Variants in CHD8 observed in about 807,000 individuals in gnomAD.
The protein encoded by CHD8 is ATP-dependent chromatin remodeler CHD8.
CHD8 carries 31 observed loss-of-function variants against 279.2 expected under a neutral mutation model. That is an observed-to-expected ratio of 0.11 (90% CI 0.08 to 0.15). The LOEUF (loss-of-function observed/expected upper bound fraction) is 0.15, where lower values mean the gene tolerates loss of function less well. CHD8 is among the 10% of genes least tolerant of loss of function. The pLI, the probability that CHD8 is intolerant of heterozygous loss-of-function variation, is 1.00. For missense variants in CHD8, 2,146 were observed against 3,230.5 expected, an observed-to-expected ratio of 0.66 and a Z score of 8.14; for synonymous variants, 1,081 against 1,139.6, an observed-to-expected ratio of 0.95 and a Z score of 1.04.
At chr14:21,409,140 T>TA (rs956413939) in intron 11 of CHD8, among the ~76,000 whole-genome samples, 4 of 152,036 alleles carry the variant, frequency 2.6e-5, no homozygotes, top group East Asian at 3.9e-4. Context: ...ACATTAAAAA[T>TA]AAAAAAACAA....
At chr14:21,420,409 G>T (rs1411681870) in intron 5 of CHD8, among the ~76,000 whole-genome samples, 1 of 152,224 alleles carries the variant, frequency 6.6e-6, no homozygotes, top group African/African-American at 2.4e-5. Flanking sequence ...AGGGCCAAAG[G>T]CGGGCAGGAC....
In CHD8 at chr14:21,393,839, G is replaced by C. The variant is rs1057052143; in HGVS notation, c.5956C>G (p.His1986Asp). 1.2e-5 allele frequency: 20 copies of C among 1,613,864 alleles called. No individual in the cohort carries two copies. Among genetic ancestry groups the C allele is most frequent in the Non-Finnish European group, 1.7e-5 (20 of 1,179,856 alleles). ...GCAGTGCGTGAGGTATACTGCTGGTGCAGCAGTGGAGTAGAGCAGCGTGAC... is the reference window on the plus strand; with the variant it reads ...GCAGTGCGTGAGGTATACTGCTGGTCCAGCAGTGGAGTAGAGCAGCGTGAC... ...SLSRCSTPLL[H>D]QQYTSRTASP... Residue 1986 changes from histidine (H) to aspartate (D), a missense_variant, in exon 32 of 38, where the codon CAC (histidine) becomes GAC (aspartate). His to Asp is a moderately conservative substitution (Grantham distance 81, BLOSUM62 -1). Transcript: ENST00000646647.
At chr14:21,415,392 C>T (rs1888669537) in intron 7 of CHD8, 182 bp downstream of exon 7, 1 of 343,112 alleles carries the variant, frequency 2.9e-6, no homozygotes, top group African/African-American at 2.1e-5. Flanking sequence ...CCCAGATACT[C>T]AGGAGGCTGA....
At chr14:21,436,604 A>G (rs1889788355) in intron 1 of CHD8, among the ~76,000 whole-genome samples, 1 of 152,150 alleles carries the variant, frequency 6.6e-6, no homozygotes, top group African/African-American at 2.4e-5. Flanking sequence ...TCACTGCCAA[A>G]TGTGTGGCTA....
chr14:21,451,853 G>A (rs1566458695), intron 1 of CHD8, among the ~76,000 whole-genome samples: 2 of 152,180 alleles, frequency 1.3e-5, no homozygotes, highest in African/African-American at 2.4e-5. Flanking sequence ...ACAGCTTAAT[G>A]AGAAACGTCA....
Position 21,397,470 on chromosome 14 carries a change from A to G in CHD8, c.5051+353T>C, listed in dbSNP as rs1240749131. The G allele has an allele frequency of 1.3e-5, 6 of 452,058 alleles. No homozygotes were observed. In the East Asian group the frequency reaches 3.6e-4, roughly 27 times the overall value. 28.0% of individuals were successfully genotyped at this position (452,058 alleles called of 1,614,324 possible). ...TTGGGAGATGATAAACCAGGGCTGA[A>G]AGCGCCTAAGGCTCTTCCACAGAAG... is the stretch of plus-strand genomic sequence containing the variant. On this transcript the variant is annotated intron_variant, in intron 27 of 37. Transcript: ENST00000646647.
chr14:21,403,328 G>A lies in CHD8; in HGVS notation c.3519-116C>T. On this transcript the variant is annotated intron_variant, in intron 17 of 37. Coordinates refer to ENST00000646647, the MANE Select transcript of CHD8 (RefSeq NM_001170629.2). The surrounding 1 kb of genome is among the most constrained non-coding windows in gnomAD (Gnocchi z 4.3). The stretch of plus-strand genomic sequence containing the variant: ...TCAAAGCTGGTCAAAAACCCAAGTT[G>A]AGAGTGAGAATCTTAAAAACTTCTC... The A allele has an allele frequency of 4.7e-6, 6 of 1,277,244 alleles. No individual in the cohort carries two copies. Among genetic ancestry groups the A allele is most frequent in the South Asian group, 4.2e-5 (3 of 71,210 alleles). The allele number at this position is 1,277,244 out of a possible 1,614,324, so 79.1% of individuals were successfully genotyped here. A position where few individuals can be genotyped will look rare whatever the true frequency, so the allele number is the denominator to read the frequency against.
At chr14:21,411,144 A>G (rs767405264) in intron 10 of CHD8, among the ~76,000 whole-genome samples, 3 of 152,184 alleles carry the variant, frequency 2.0e-5, no homozygotes, top group Non-Finnish European at 4.4e-5. Flanking sequence ...TTAGAAGGGT[A>G]GGTATGATTA....
At position 21,397,542 on chromosome 14, in the gene CHD8, CCT is replaced by C. The variant is rs527827139; in HGVS notation, c.5051+279_5051+280del. ...TGTTATCTTTCAAGAGACCAGTTATCCTCTCAGCTACTGTAGCTGTACAGAAG... is the reference window on the plus strand; with the variant it reads ...TGTTATCTTTCAAGAGACCAGTTATCCTCAGCTACTGTAGCTGTACAGAAG... On this transcript the variant is annotated intron_variant, in intron 27 of 37. Transcript: ENST00000646647. The C allele has an allele frequency of 1.4e-3, 543 of 390,142 alleles. 1 individual carries two copies. The highest frequency in any genetic ancestry group is 2.3e-3 in the Non-Finnish European group (463 of 199,876). 24.2% of individuals were successfully genotyped at this position (390,142 alleles called of 1,614,324 possible).
chr14:21,396,733 C>A (rs11623737), intron 27 of CHD8: 2 of 152,044 alleles, frequency 1.3e-5, no homozygotes, highest in Non-Finnish European at 2.9e-5. Flanking sequence ...GCCACCACTC[C>A]TGGCTAATTT....
At chr14:21,420,185 G>A (rs1043383112) in intron 5 of CHD8, among the ~76,000 whole-genome samples, 4 of 152,200 alleles carry the variant, frequency 2.6e-5, no homozygotes, top group African/African-American at 9.6e-5. Context: ...TGTGGTAGCT[G>A]CTGCCCCAAA....
chr14:21,435,063 G>C (rs1889724314), intron 1 of CHD8, among the ~76,000 whole-genome samples: 1 of 152,182 alleles, frequency 6.6e-6, no homozygotes, highest in Non-Finnish European at 1.5e-5. Flanking sequence ...TATTAAGAAT[G>C]AAAAGCCAGT....
chr14:21,436,883 G>C, intron 1 of CHD8: 2 of 1,129,262 alleles, frequency 1.8e-6, no homozygotes, highest in Non-Finnish European at 2.4e-6. Flanking sequence ...GGGGGTGGGG[G>C]GGACCCGGGT....
chr14:21,434,622 C>A (rs1777454022), intron 1 of CHD8, among the ~76,000 whole-genome samples: 1 of 152,060 alleles, frequency 6.6e-6, no homozygotes, highest in South Asian at 2.1e-4. Flanking sequence ...AATTTTCGAA[C>A]CAAATTTCTG....
intron 5 of CHD8, among the ~76,000 whole-genome samples, chr14:21,418,747 C>T (rs938042353): frequency 6.6e-6 from 1 of 152,192 alleles, no homozygotes; most frequent in African/African-American, 2.4e-5. Flanking sequence ...ACCCAGGAGG[C>T]GGAGCTTGCA....
At position 21,411,272 on chromosome 14, in the gene CHD8, A is replaced by C. The variant is rs560862559; in HGVS notation, c.2227-1284T>G. Among the ~76,000 whole-genome samples the C allele has an allele frequency of 1.1e-3, 167 of 152,254 alleles. No individual in the cohort carries two copies. In the Middle Eastern group the frequency reaches 0.014, roughly 12 times the overall value. ...ATTCTCCATTCAACTCACACAAACAAACACACAATACTACCACCCCAACTT... is the reference window on the plus strand; with the variant it reads ...ATTCTCCATTCAACTCACACAAACACACACACAATACTACCACCCCAACTT... On this transcript the variant is annotated intron_variant, in intron 10 of 37. Coordinates refer to ENST00000646647, the MANE Select transcript of CHD8 (RefSeq NM_001170629.2).
chr14:21,438,206 G>A (rs1418389669), intron 1 of CHD8, among the ~76,000 whole-genome samples: 7 of 152,014 alleles, frequency 4.6e-5, no homozygotes, highest in Admixed American at 4.6e-4. Flanking sequence ...GATTACAGGC[G>A]CCTGCCACCA....
At chr14:21,421,377 T>C (rs1232250678) in intron 5 of CHD8, among the ~76,000 whole-genome samples, 1 of 151,662 alleles carries the variant, frequency 6.6e-6, no homozygotes. Flanking sequence ...TTAACTGCCA[T>C]CTAGTATTCT....
At chr14:21,455,381 T>C (rs928618094) in intron 1 of CHD8, among the ~76,000 whole-genome samples, 1 of 152,116 alleles carries the variant, frequency 6.6e-6, no homozygotes, top group African/African-American at 2.4e-5. Flanking sequence ...GGGTCTTCTA[T>C]CAGTGACGAG....
Sources: gnomAD v4.1 joint callset for allele counts (sites outside exome capture counted in the v4.1 genomes callset) on GRCh38, gnomAD v4.1.1 for gene constraint, Gnocchi (gnomAD v3.1) non-coding constraint, MANE v1.5 for transcripts, NCBI Gene and HGNC (gene_info 2026-07-23, HGNC 2026-07-21) for gene names.